The following TBC1D1 variants were observed in gnomAD, a reference collection of about 807,000 sequenced individuals.
TBC1D1 encodes TBC1 (tre-2/USP6, BUB2, cdc16) domain family, member 1.
A neutral mutation model predicts 125.6 loss-of-function variants in TBC1D1; 89 were observed. That is an observed-to-expected ratio of 0.71 (90% CI 0.60 to 0.85). TBC1D1 has a LOEUF of 0.85. Ranked by LOEUF, TBC1D1 falls within the 40% of genes least tolerant of loss-of-function variation. TBC1D1 has a pLI of 0.00. For missense variants in TBC1D1, 1,377 were observed against 1,469.2 expected, an observed-to-expected ratio of 0.94 and a Z score of 1.03; for synonymous variants, 565 against 564.1, an observed-to-expected ratio of 1.00 and a Z score of -0.02.
intron 19 of TBC1D1, among the ~76,000 whole-genome samples, chr4:38,134,048 G>A (rs1766053582): frequency 6.6e-6 from 1 of 152,210 alleles, no homozygotes; most frequent in Admixed American, 6.5e-5. Context: ...TAGCAGTGCT[G>A]TCCCTGTTAA....
chr4:38,135,059 G>A (rs1199049912), intron 19 of TBC1D1, among the ~76,000 whole-genome samples: 2 of 152,142 alleles, frequency 1.3e-5, no homozygotes, highest in African/African-American at 2.4e-5. Flanking sequence ...GATCCCCTAC[G>A]AAAATATGCC....
At chr4:38,118,505 G>A (rs139272997) in intron 17 of TBC1D1, 11 of 260,230 alleles carry the variant, frequency 4.2e-5, no homozygotes, top group African/African-American at 1.8e-4. Flanking sequence ...AGCCACAGGT[G>A]TATGTTTCTC....
chr4:38,090,604 T>G (rs564171612), intron 13 of TBC1D1, among the ~76,000 whole-genome samples: 4 of 152,362 alleles, frequency 2.6e-5, no homozygotes, highest in Admixed American at 2.0e-4. Flanking sequence ...CCTGTACTGA[T>G]ATCAATAGTG....
chr4:38,024,612 C>T (rs1011723172), intron 6 of TBC1D1, among the ~76,000 whole-genome samples: 1 of 152,178 alleles, frequency 6.6e-6, no homozygotes, highest in Non-Finnish European at 1.5e-5. Context: ...TATGTTTTAC[C>T]TACATGATGG....
chr4:37,916,509 C>A (rs1480176249), intron 2 of TBC1D1, among the ~76,000 whole-genome samples: 2 of 152,096 alleles, frequency 1.3e-5, no homozygotes, highest in Non-Finnish European at 2.9e-5. Context: ...GCAAGAACAT[C>A]ATCTTTATTT....
chr4:38,053,273 A>C, intron 11 of TBC1D1, 48 bp downstream of exon 13: 1 of 1,334,784 alleles, frequency 7.5e-7, no homozygotes, highest in Non-Finnish European at 9.7e-7. Flanking sequence ...CTAAGTGTTG[A>C]ATATCATTAG....
At chr4:37,989,638 A>T (rs1425112840) in intron 2 of TBC1D1, among the ~76,000 whole-genome samples, 1 of 152,240 alleles carries the variant, frequency 6.6e-6, no homozygotes, top group Non-Finnish European at 1.5e-5. Flanking sequence ...GCATGAATTA[A>T]ACATAAACCC....
chr4:38,028,910 G>A (rs974956586), intron 7 of TBC1D1, among the ~76,000 whole-genome samples: 2 of 151,886 alleles, frequency 1.3e-5, no homozygotes, highest in African/African-American at 4.8e-5. Flanking sequence ...TTTAGGTCAT[G>A]CTGTCTACTT....
At chr4:37,952,144 A>C (rs1385470884) in intron 2 of TBC1D1, 2 of 712,170 alleles carry the variant, frequency 2.8e-6, no homozygotes, top group Non-Finnish European at 5.2e-6. Flanking sequence ...TGATGAACCC[A>C]GCAGCTTCTA....
chr4:37,960,924 C>G, intron 2 of TBC1D1: 1 of 1,614,124 alleles, frequency 6.2e-7, no homozygotes. Flanking sequence ...GCTGGGCCCC[C>G]CTTCACCTGT....
intron 2 of TBC1D1, among the ~76,000 whole-genome samples, chr4:37,909,944 T>C (rs115729175): frequency 0.015 from 2,249 of 152,306 alleles, 42 homozygotes; most frequent in South Asian, 0.027. Flanking sequence ...AGGAATTTTT[T>C]CGTCTATAAA....
chr4:38,097,611 G>C (rs544675639), intron 14 of TBC1D1, among the ~76,000 whole-genome samples: 35 of 152,092 alleles, frequency 2.3e-4, no homozygotes, highest in Non-Finnish European at 4.9e-4. Flanking sequence ...CAAAGTGCTG[G>C]GATTACAGGT....
At chr4:38,008,627 C>T (rs903838460) in intron 2 of TBC1D1, among the ~76,000 whole-genome samples, 5 of 152,198 alleles carry the variant, frequency 3.3e-5, no homozygotes, top group African/African-American at 9.7e-5. Context: ...AGCACTTCAC[C>T]TATGCCCAGA....
At chr4:38,049,964 A>C in intron 11 of TBC1D1, 66 bp downstream of exon 11, 1 of 1,501,614 alleles carries the variant, frequency 6.7e-7, no homozygotes, top group South Asian at 1.3e-5. Flanking sequence ...AGGTATGTGC[A>C]TCCCAGGTAT....
chr4:38,118,308 G>A (rs1763306314), intron 17 of TBC1D1, 116 bp downstream of exon 19: 4 of 1,267,484 alleles, frequency 3.2e-6, no homozygotes, highest in Admixed American at 4.5e-5. Context: ...CCAGAACAGG[G>A]TATTGTTTGA....
At chr4:38,045,993 G>T in intron 10 of TBC1D1, 90 bp downstream of exon 10, 1 of 1,184,782 alleles carries the variant, frequency 8.4e-7, no homozygotes. Flanking sequence ...ATCATAAAAC[G>T]TTTGCTGCTT....
At chr4:38,024,797 T>C (rs1744750903) in intron 6 of TBC1D1, among the ~76,000 whole-genome samples, 1 of 152,240 alleles carries the variant, frequency 6.6e-6, no homozygotes, top group Admixed American at 6.5e-5. Context: ...CAGGAAGTTA[T>C]ATGGTCTGAT....
chr4:38,085,204 T>C (rs1461671596), intron 12 of TBC1D1, among the ~76,000 whole-genome samples: 2 of 152,194 alleles, frequency 1.3e-5, no homozygotes, highest in African/African-American at 2.4e-5. Context: ...TATTTATGAC[T>C]CTGTTGGGAG....
chr4:38,027,024 G>C lies in TBC1D1; in HGVS notation c.1211-764G>C, dbSNP rs142229709. Among the ~76,000 whole-genome samples, 6 of 152,264 alleles carry C rather than the reference G, an allele frequency of 3.9e-5. No homozygotes were observed. In the East Asian group the frequency reaches 1.2e-3, roughly 29 times the overall value. ...TTTTTTCCTAAGAAAAAGTTGTCAG[G>C]TTTACATATCAACACAAGAATTTAT... On this transcript the variant is annotated intron_variant, in intron 6 of 19. Transcript: ENST00000261439.
Sources: allele counts gnomAD v4.1 joint callset (sites outside exome capture counted in the v4.1 genomes callset), GRCh38; gene constraint gnomAD v4.1.1; transcripts MANE v1.5; gene names NCBI Gene and HGNC (gene_info 2026-07-23, HGNC 2026-07-21).